MYH13: variants seen among roughly 807,000 people sequenced by gnomAD.
The protein encoded by MYH13 is myosin heavy chain 13.
MYH13 carries 177 observed loss-of-function variants against 232.1 expected under a neutral mutation model. The observed-to-expected ratio is 0.76, with a 90% CI of 0.67 to 0.86. The LOEUF is 0.86. Ranked by LOEUF, MYH13 falls within the 40% of genes least tolerant of loss-of-function variation. The pLI is 0.00. For missense variants in MYH13, 2,246 were observed against 2,405.9 expected, an observed-to-expected ratio of 0.93 and a Z score of 1.39; for synonymous variants, 884 against 923.5, an observed-to-expected ratio of 0.96 and a Z score of 0.78.
In MYH13 at chr17:10,320,537, G is replaced by T. The variant is rs371541653; in HGVS notation, c.3112-41C>A. ...GGTAGAAAATTAAGCCCCTGCTGGG[G>T]AAGTGTTTGCCCCGTTTATCCAGTG... On this transcript the variant is annotated intron_variant, in intron 24 of 40. Transcript: ENST00000252172. 513 of 1,588,394 alleles carry T rather than the reference G, an allele frequency of 3.2e-4. 1 individual carries two copies. The highest frequency in any genetic ancestry group is 4.2e-4 in the Non-Finnish European group (487 of 1,168,078).
In MYH13 at chr17:10,306,749, A is replaced by G; in HGVS notation, c.5296-120T>C. 6.5e-7 allele frequency: 1 copy of G among 1,530,558 alleles called. No homozygotes were observed. Among genetic ancestry groups the G allele is most frequent in the East Asian group, 2.3e-5 (1 of 43,996 alleles). The allele number at this position is 1,530,558 out of a possible 1,614,324, so 94.8% of individuals were successfully genotyped here. A position where few individuals can be genotyped will look rare whatever the true frequency, so the allele number is the denominator to read the frequency against. On this transcript the variant is annotated intron_variant, in intron 36 of 40. Transcript: ENST00000252172. This position sits in a 1 kb window ranked among gnomAD's most constrained non-coding sequence, Gnocchi z 4.3. ...CTCCCCTGTCTGACTGGGGCCAGTC[A>G]TTGCTGATTCCCCACAGCCTCCCCT...
intron 3 of MYH13, among the ~76,000 whole-genome samples, chr17:10,363,731 A>G (rs1323845163): frequency 6.6e-6 from 1 of 152,216 alleles, no homozygotes; most frequent in Non-Finnish European, 1.5e-5. Flanking sequence ...AGCCCACTGA[A>G]AAAGGACTGG....
chr17:10,364,755 G>GTT (rs35658023), intron 2 of MYH13, among the ~76,000 whole-genome samples: 79 of 147,264 alleles, frequency 5.4e-4, no homozygotes, highest in African/African-American at 1.8e-3. Context: ...AAGTATGAAG[G>GTT]TTTTTTTTTT....
At chr17:10,302,875 G>T (rs1036109543) in intron 39 of MYH13, among the ~76,000 whole-genome samples, 1 of 151,750 alleles carries the variant, frequency 6.6e-6, no homozygotes, top group African/African-American at 2.4e-5. Flanking sequence ...GGGGTGGTTC[G>T]GGAGAGTCAG....
rs1597377049 is a variant in MYH13, at chr17:10,321,630, C to T, written c.3013G>A (p.Glu1005Lys). Residue 1005 changes from glutamate to lysine, a missense_variant, in exon 24 of 41, where the codon GAG becomes AAG. Coordinates refer to ENST00000252172, the MANE Select transcript of MYH13 (RefSeq NM_003802.3). ...KLTKEKKSLQ[E>K]AHQQTLDDLQ... ...TCATCCAGTGTTTGCTGATGGGCCT[C>T]CTGTAGAGATTTCTTTTCTTTGGTC... 1.7e-5 allele frequency: 27 copies of T among 1,613,644 alleles called. No homozygotes were observed. The highest frequency in any genetic ancestry group is 2.3e-5 in the Non-Finnish European group (27 of 1,179,614).
At position 10,321,633 on chromosome 17, in the gene MYH13, G is replaced by A; in HGVS notation, c.3010C>T (p.Gln1004Ter). Residue 1004 changes from glutamine to a stop codon, truncating the protein, a stop_gained, in exon 24 of 41, where the codon CAG becomes TAG. Transcript: ENST00000252172. LOFTEE classifies it high-confidence loss of function. The stretch of plus-strand genomic sequence containing the variant: ...TCCAGTGTTTGCTGATGGGCCTCCT[G>A]TAGAGATTTCTTTTCTTTGGTCAAT... Reference protein sequence around the residue: ...SKLTKEKKSLQEAHQQTLDDL... With the variant: ...SKLTKEKKSL 2 of 1,613,564 alleles carry A rather than the reference G, an allele frequency of 1.2e-6. No individual in the cohort carries two copies. Among genetic ancestry groups the A allele is most frequent in the African/African-American group, 2.7e-5 (2 of 75,040 alleles).
In MYH13 at chr17:10,309,551, G is replaced by A. The variant is rs1386201619; in HGVS notation, c.4936C>T (p.His1646Tyr). The change falls in exon 34 of 41, where the codon CAT (histidine) becomes TAT (tyrosine). Residue 1646 changes from histidine to tyrosine, a missense_variant. Physicochemically the swap from His to Tyr is moderately conservative, Grantham distance 83. Transcript: ENST00000252172. ...AGCTGGCCCTGGACCGTGCGCAGAT[G>A]CTTCTGGGTCTCTGCCATCTGGCGG... ...SNRQMAETQK[H>Y]LRTVQGQLKD... is the part of the protein sequence containing the mutation. 6 of 1,612,280 alleles carry A rather than the reference G, an allele frequency of 3.7e-6. No individual in the cohort carries two copies. The highest frequency in any genetic ancestry group is 5.1e-6 in the Non-Finnish European group (6 of 1,179,332).
chr17:10,348,647 C>T (rs189145297), intron 12 of MYH13, among the ~76,000 whole-genome samples: 3 of 152,252 alleles, frequency 2.0e-5, no homozygotes, highest in Non-Finnish European at 2.9e-5. Context: ...TATATCAATA[C>T]GTGTATCAAT....
chr17:10,331,253 GC>G (rs1481548974), intron 20 of MYH13, among the ~76,000 whole-genome samples: 8 of 152,000 alleles, frequency 5.3e-5, no homozygotes, highest in African/African-American at 1.5e-4. Context: ...GGCCCACTTC[GC>G]CCACTCCCTC....
rs541957356 is a variant in MYH13 at position 10,352,401 on chromosome 17, C to T, written c.1006-1707G>A. On this transcript the variant is annotated intron_variant, in intron 11 of 40. Transcript: ENST00000252172. Reference sequence around the variant, plus strand: ...GGCTAGGAGTTCAAGACCAGCCTGGCCAACATGGGGAAACCCCTTCTCTAC... The same window carrying T: ...GGCTAGGAGTTCAAGACCAGCCTGGTCAACATGGGGAAACCCCTTCTCTAC... Among the ~76,000 whole-genome samples the T allele has an allele frequency of 2.6e-4, 40 of 152,142 alleles. 1 individual carries two copies. In the South Asian group the frequency reaches 8.1e-3, roughly 31 times the overall value.
chr17:10,310,098 T>TG (rs1906454578), intron 33 of MYH13, among the ~76,000 whole-genome samples: 2 of 150,460 alleles, frequency 1.3e-5, no homozygotes, highest in South Asian at 4.3e-4. Flanking sequence ...TTTTGTGTTT[T>TG]TTTTTTTTTT....
At chr17:10,321,883 C>G (rs1906952605) in intron 23 of MYH13, among the ~76,000 whole-genome samples, 175 bp from the exon 24 acceptor site, 1 of 152,168 alleles carries the variant, frequency 6.6e-6, no homozygotes, top group Non-Finnish European at 1.5e-5. Context: ...AACGGTCTAT[C>G]ATGGTGCCTC....
chr17:10,301,687 G>A lies in MYH13; in HGVS notation c.5684C>T (p.Thr1895Met), dbSNP rs376251517. The A allele has an allele frequency of 5.6e-6, 9 of 1,613,588 alleles. No individual in the cohort carries two copies. Among genetic ancestry groups the A allele is most frequent in the East Asian group, 4.5e-5 (2 of 44,894 alleles). The part of the protein sequence containing the change: ...QAEEAEEQAN[T>M]QLSRCRRVQH... ...GACTCTCCGGCATCTGGACAGCTGCGTGTTGGCCTGCTCCTCCTGCACAGG... is the reference window on the plus strand; with the variant it reads ...GACTCTCCGGCATCTGGACAGCTGCATGTTGGCCTGCTCCTCCTGCACAGG... The change falls in exon 40 of 41, where the codon ACG (threonine) becomes ATG (methionine). Residue 1895 changes from threonine (T) to methionine (M), a missense_variant. Physicochemically the swap from Thr to Met is moderately conservative, Grantham distance 81. Transcript: ENST00000252172.
intron 26 of MYH13, 101 bp downstream of exon 26, chr17:10,320,052 G>A: frequency 2.4e-6 from 2 of 848,732 alleles, no homozygotes; most frequent in Non-Finnish European, 3.7e-6. Flanking sequence ...AGCTTTAGCA[G>A]GAGGAAGGAA....
At chr17:10,341,933 T>C (rs568149881) in intron 16 of MYH13, among the ~76,000 whole-genome samples, 1 of 152,340 alleles carries the variant, frequency 6.6e-6, no homozygotes, top group Non-Finnish European at 1.5e-5. Flanking sequence ...TCATATATTT[T>C]ATTAATTTAT....
At chr17:10,318,114 T>C (rs1261983915) in intron 27 of MYH13, among the ~76,000 whole-genome samples, 2 of 152,152 alleles carry the variant, frequency 1.3e-5, no homozygotes, top group Non-Finnish European at 2.9e-5. Flanking sequence ...TGGTGGCGTG[T>C]GCCTGTAATC....
Position 10,320,061 on chromosome 17 carries a change from A to G in MYH13, c.3348+92T>C. On this transcript the variant is annotated intron_variant, in intron 26 of 40. Coordinates refer to ENST00000252172, the MANE Select transcript of MYH13 (RefSeq NM_003802.3). ...TTCTCTAGCTTTAGCAGGAGGAAGG[A>G]AAGAAGCAGCTAAAGAAACAAGGGG... The G allele has an allele frequency of 5.4e-6, 5 of 928,962 alleles. No individual in the cohort carries two copies. The East Asian group carries it at 1.3e-4, about 25-fold the overall frequency. The allele number at this position is 928,962 out of a possible 1,614,324, so 57.5% of individuals were successfully genotyped here.
At chr17:10,308,058 C>A (rs1055781467) in intron 35 of MYH13, among the ~76,000 whole-genome samples, 1 of 152,172 alleles carries the variant, frequency 6.6e-6, no homozygotes, top group Non-Finnish European at 1.5e-5. Flanking sequence ...GGCACAGTGG[C>A]TCATGCCTGT....
intron 32 of MYH13, 48 bp from the exon 33 acceptor site, chr17:10,311,275 A>G: frequency 1.2e-6 from 2 of 1,610,160 alleles, no homozygotes; most frequent in South Asian, 1.1e-5. Context: ...GCTCCAGTTT[A>G]TAGTATAGGC....
Sources: allele counts gnomAD v4.1 joint callset (sites outside exome capture counted in the v4.1 genomes callset), GRCh38; gene constraint gnomAD v4.1.1; non-coding constraint Gnocchi (gnomAD v3.1); transcripts MANE v1.5; gene names NCBI Gene and HGNC (gene_info 2026-07-23, HGNC 2026-07-21).